SGCD: variants seen among roughly 807,000 people sequenced by gnomAD.
SGCD encodes the protein sarcoglycan delta.
In SGCD, 18 loss-of-function variants were observed where a neutral mutation model predicts 36.6. The observed-to-expected ratio is 0.49, with a 90% CI of 0.34 to 0.73. SGCD has a LOEUF of 0.73. SGCD is among the 30% of genes least tolerant of loss of function. SGCD has a pLI of 0.01. For missense variants in SGCD, 387 were observed against 346.7 expected, an observed-to-expected ratio of 1.12 and a Z score of -0.92; for synonymous variants, 133 against 130.6, an observed-to-expected ratio of 1.02 and a Z score of -0.12.
At chr5:156,617,345 A>G (rs1762057397) in intron 6 of SGCD, among the ~76,000 whole-genome samples, 1 of 152,230 alleles carries the variant, frequency 6.6e-6, no homozygotes, top group Non-Finnish European at 1.5e-5. Context: ...AGAAGAGAGA[A>G]CAAATAGACA....
intron 6 of SGCD, among the ~76,000 whole-genome samples, chr5:156,644,602 T>G (rs1281165466): frequency 1.3e-5 from 2 of 152,100 alleles, no homozygotes; most frequent in Admixed American, 1.3e-4. Context: ...TAGTACAGGA[T>G]TATTTTTTCT....
chr5:156,056,896 C>T (rs1270288541), intron 1 of SGCD, among the ~76,000 whole-genome samples: 1 of 145,802 alleles, frequency 6.9e-6, no homozygotes, highest in Middle Eastern at 3.6e-3. Flanking sequence ...CTGTGGCAAG[C>T]GATGACTGAT....
At chr5:156,242,446 T>C (rs1161823707) in intron 3 of SGCD, among the ~76,000 whole-genome samples, 1 of 152,150 alleles carries the variant, frequency 6.6e-6, no homozygotes, top group African/African-American at 2.4e-5. Flanking sequence ...CTACATACGA[T>C]AAAATTTCAT....
At chr5:156,311,921 T>C (rs930041611) in intron 3 of SGCD, among the ~76,000 whole-genome samples, 4 of 152,214 alleles carry the variant, frequency 2.6e-5, no homozygotes, top group African/African-American at 9.6e-5. Context: ...AGAGCTTTTA[T>C]ATTTTTTATT....
chr5:156,342,435 T>C (rs910559311), intron 2 of SGCD, among the ~76,000 whole-genome samples: 2 of 152,244 alleles, frequency 1.3e-5, no homozygotes, highest in African/African-American at 4.8e-5. Context: ...TCACAATTAG[T>C]TGATTAATAT....
chr5:156,303,984 T>C (rs1581231022), intron 3 of SGCD, among the ~76,000 whole-genome samples: 1 of 151,846 alleles, frequency 6.6e-6, no homozygotes, highest in Non-Finnish European at 1.5e-5. Flanking sequence ...TCTCGCTAGG[T>C]CATAGGCACC....
intron 1 of SGCD, among the ~76,000 whole-genome samples, chr5:156,094,416 C>T (rs1033118164): frequency 6.6e-6 from 1 of 152,166 alleles, no homozygotes; most frequent in African/African-American, 2.4e-5. Flanking sequence ...GGTGCCCGCT[C>T]CCTTATCCTC....
intron 1 of SGCD, among the ~76,000 whole-genome samples, chr5:156,071,389 C>A (rs1760557318): frequency 6.6e-6 from 1 of 152,086 alleles, no homozygotes; most frequent in East Asian, 1.9e-4. Context: ...TCGTGATGTA[C>A]CCAGTAGTCA....
chr5:156,084,696 C>T (rs1761052220), intron 1 of SGCD, among the ~76,000 whole-genome samples: 1 of 152,082 alleles, frequency 6.6e-6, no homozygotes, highest in Non-Finnish European at 1.5e-5. Context: ...ATTTTACTTG[C>T]CTTGTTGTGC....
chr5:156,674,769 A>G (rs1181621879), intron 7 of SGCD, among the ~76,000 whole-genome samples: 1 of 152,236 alleles, frequency 6.6e-6, no homozygotes, highest in Non-Finnish European at 1.5e-5. Flanking sequence ...GTTGAAGGAC[A>G]GAATCTGTGA....
intron 7 of SGCD, among the ~76,000 whole-genome samples, chr5:156,755,842 G>A (rs114229311): frequency 2.3e-4 from 35 of 152,282 alleles, no homozygotes; most frequent in Admixed American, 1.8e-3. Flanking sequence ...GTCATTGTAG[G>A]GGGGGACAAT....
intron 6 of SGCD, among the ~76,000 whole-genome samples, chr5:156,631,424 G>A (rs1762626332): frequency 6.7e-6 from 1 of 149,370 alleles, no homozygotes; most frequent in South Asian, 2.1e-4. Context: ...CCCAAATCGA[G>A]CTAAAAAGCT....
intron 1 of SGCD, among the ~76,000 whole-genome samples, chr5:156,079,276 C>T (rs1405484744): frequency 6.6e-6 from 1 of 152,142 alleles, no homozygotes; most frequent in African/African-American, 2.4e-5. Context: ...ATCCCTCCCA[C>T]CAGGCCCCAC....
chr5:156,295,587 A>C (rs1039131673), intron 3 of SGCD, among the ~76,000 whole-genome samples: 1 of 152,142 alleles, frequency 6.6e-6, no homozygotes, highest in Admixed American at 6.6e-5. Context: ...TCATAGGAGA[A>C]GTGGTTATGA....
intron 3 of SGCD, among the ~76,000 whole-genome samples, chr5:156,248,519 A>G (rs1295177395): frequency 6.6e-6 from 1 of 152,172 alleles, no homozygotes; most frequent in Non-Finnish European, 1.5e-5. Context: ...CTCCGTCTAA[A>G]AAAAACACAA....
rs184558651 is a variant in SGCD, at chr5:156,443,799, A to C, written c.193-64802A>C. Among the ~76,000 whole-genome samples the C allele has an allele frequency of 2.0e-5, 3 of 152,240 alleles. No individual in the cohort carries two copies. In the East Asian group the frequency reaches 5.8e-4, roughly 29 times the overall value. The stretch of plus-strand genomic sequence containing the variant: ...GCTTCTAGATTTCATCCCATGTGCC[A>C]GTGTTCCACTGGATCCATGAGAAAG... On this transcript the variant is annotated intron_variant, in intron 3 of 8. Transcript: ENST00000337851.
intron 1 of SGCD, among the ~76,000 whole-genome samples, chr5:156,099,354 C>T (rs887126897): frequency 6.6e-6 from 1 of 152,158 alleles, no homozygotes. Flanking sequence ...AAATGCATTT[C>T]CCCATATCTC....
chr5:155,797,677 C>G, the SGCD span, among the ~76,000 whole-genome samples: 6 of 152,172 alleles, frequency 3.9e-5, no homozygotes, highest in African/African-American at 1.4e-4. Context: ...TACTGTGACT[C>G]TAGACAAAAA....
chr5:156,423,794 T>C (rs758061223), intron 3 of SGCD, among the ~76,000 whole-genome samples: 3 of 152,012 alleles, frequency 2.0e-5, no homozygotes, highest in Non-Finnish European at 2.9e-5. Flanking sequence ...TATGTGACCT[T>C]AGTAAGTAGC....
Sources: allele counts gnomAD v4.1 joint callset (sites outside exome capture counted in the v4.1 genomes callset), GRCh38; gene constraint gnomAD v4.1.1; transcripts MANE v1.5; gene names NCBI Gene and HGNC (gene_info 2026-07-23, HGNC 2026-07-21).